The following ALOX5AP variants were observed in gnomAD, a reference collection of about 807,000 sequenced individuals.
ALOX5AP encodes arachidonate 5-lipoxygenase-activating protein.
Under a neutral mutation model 18.5 loss-of-function variants are expected in ALOX5AP, and 9 were observed. The ratio of observed to expected loss-of-function variants is 0.49; its 90% CI spans 0.29 to 0.85. The LOEUF (loss-of-function observed/expected upper bound fraction) is 0.85. ALOX5AP is among the 40% of genes least tolerant of loss of function. The pLI is 0.08. For missense variants in ALOX5AP, 172 were observed against 202.5 expected, an observed-to-expected ratio of 0.85 and a Z score of 0.91; for synonymous variants, 81 against 78.6, an observed-to-expected ratio of 1.03 and a Z score of -0.16.
chr13:30,744,044 C>T lies in ALOX5AP; in HGVS notation c.71-16C>T, dbSNP rs200490573. 1.3e-5 allele frequency: 21 copies of T among 1,609,800 alleles called. No homozygotes were observed. The highest frequency in any genetic ancestry group is 1.4e-5 in the Non-Finnish European group (17 of 1,176,144). ...ATGCCCACAATGAACCAGATGCAAA[C>T]CTTTTCCCTTGGCAGGATTCTTTGC... On this transcript the variant is annotated splice_polypyrimidine_tract_variant and intron_variant, in intron 1 of 4. Coordinates refer to ENST00000380490, the MANE Select transcript of ALOX5AP (RefSeq NM_001629.4).
chr13:30,739,325 C>T (rs376691639), intron 1 of ALOX5AP, among the ~76,000 whole-genome samples: 18 of 152,130 alleles, frequency 1.2e-4, no homozygotes, highest in African/African-American at 3.6e-4. Flanking sequence ...GTAGGCTGAC[C>T]TTTCCTTCAC....
intron 3 of ALOX5AP, among the ~76,000 whole-genome samples, chr13:30,754,708 T>A (rs1951878808): frequency 6.6e-6 from 1 of 152,258 alleles, no homozygotes; most frequent in Non-Finnish European, 1.5e-5. Flanking sequence ...CTGGCCTGAC[T>A]TATTTTCATT....
At chr13:30,762,741 T>C (rs1593447933) in intron 4 of ALOX5AP, among the ~76,000 whole-genome samples, 2 of 152,278 alleles carry the variant, frequency 1.3e-5, no homozygotes, top group South Asian at 4.1e-4. Context: ...CAGTACGAAG[T>C]TAGCTGTTGG....
At chr13:30,727,244 A>G (rs975889758) in intron 1 of ALOX5AP, among the ~76,000 whole-genome samples, 1 of 152,034 alleles carries the variant, frequency 6.6e-6, no homozygotes, top group East Asian at 1.9e-4. Context: ...GTGTTTCTCC[A>G]TGTTGGCCAG....
chr13:30,758,363 T>C (rs1206058680), intron 4 of ALOX5AP, among the ~76,000 whole-genome samples: 1 of 152,224 alleles, frequency 6.6e-6, no homozygotes, highest in Non-Finnish European at 1.5e-5. Context: ...CTAATGCTCT[T>C]GGGACCTGCT....
Position 30,756,020 on chromosome 13 carries a change from G to A in ALOX5AP, c.318G>A (p.Thr106=), listed in dbSNP as rs1233899779. 5 of 1,613,900 alleles carry A rather than the reference G, an allele frequency of 3.1e-6. No individual in the cohort carries two copies. Among genetic ancestry groups the A allele is most frequent in the South Asian group, 1.1e-5 (1 of 91,084 alleles). The change falls in exon 4 of 5, where the codon ACG becomes ACA. Residue 106 remains threonine, a synonymous_variant. Coordinates refer to ENST00000380490, the MANE Select transcript of ALOX5AP (RefSeq NM_001629.4). ...KYFVGYLGER[T]QSTPGYIFGK... The stretch of plus-strand genomic sequence containing the variant: ...TTGTCGGTTACCTAGGAGAGAGAAC[G>A]CAGAGGTAGGTAACTGGGACTACTA...
chr13:30,740,560 A>G (rs1199933776), intron 1 of ALOX5AP, among the ~76,000 whole-genome samples: 1 of 152,204 alleles, frequency 6.6e-6, no homozygotes, highest in African/African-American at 2.4e-5. Context: ...TCTGTAGCAT[A>G]CTGGAGGATT....
At chr13:30,726,938 G>A (rs1430352976) in intron 1 of ALOX5AP, among the ~76,000 whole-genome samples, 1 of 152,124 alleles carries the variant, frequency 6.6e-6, no homozygotes, top group African/African-American at 2.4e-5. Context: ...ATATCAAAAA[G>A]GGAATGCGAC....
chr13:30,744,248 G>T (rs905441920), intron 2 of ALOX5AP, 89 bp downstream of exon 2: 8 of 1,185,164 alleles, frequency 6.8e-6, no homozygotes, highest in Non-Finnish European at 7.4e-6. Context: ...AATACCACAT[G>T]TCTGTCTGAG....
At chr13:30,717,643 C>A (rs145882451) in intron 1 of ALOX5AP, among the ~76,000 whole-genome samples, 2 of 152,272 alleles carry the variant, frequency 1.3e-5, no homozygotes, top group East Asian at 3.9e-4. Flanking sequence ...ATGCATAGGG[C>A]GAGGTGTGGA....
upstream of ALOX5AP, chr13:30,735,486 GCCGGGGAT>G (rs1951713117): frequency 2.6e-6 from 4 of 1,511,186 alleles, no homozygotes; most frequent in Non-Finnish European, 3.6e-6. Flanking sequence ...GTGTAATTGT[GCCGGGGAT>G]CTTCAGAAAT....
At chr13:30,718,324 G>C (rs1951565686) in intron 1 of ALOX5AP, among the ~76,000 whole-genome samples, 1 of 151,008 alleles carries the variant, frequency 6.6e-6, no homozygotes, top group Non-Finnish European at 1.5e-5. Flanking sequence ...CAAGACTGTA[G>C]TAAGGGCTAT....
chr13:30,731,172 C>T (rs1394286369), upstream of ALOX5AP, among the ~76,000 whole-genome samples: 1 of 152,136 alleles, frequency 6.6e-6, no homozygotes, highest in Non-Finnish European at 1.5e-5. Context: ...AATCTCTCTT[C>T]AGGGCTGAGG....
At chr13:30,750,732 T>C (rs1027064197) in intron 2 of ALOX5AP, among the ~76,000 whole-genome samples, 1 of 152,246 alleles carries the variant, frequency 6.6e-6, no homozygotes, top group Non-Finnish European at 1.5e-5. Context: ...TTCAGGCAGC[T>C]AGCCAGTTGG....
chr13:30,750,024 C>T (rs1001257747), intron 2 of ALOX5AP, among the ~76,000 whole-genome samples: 28 of 152,124 alleles, frequency 1.8e-4, no homozygotes, highest in East Asian at 3.8e-4. Flanking sequence ...GGTTCTCAAA[C>T]GTCAGCAGGC....
chr13:30,761,543 A>G (rs963728948), intron 4 of ALOX5AP, among the ~76,000 whole-genome samples: 1 of 152,128 alleles, frequency 6.6e-6, no homozygotes, highest in Non-Finnish European at 1.5e-5. Flanking sequence ...TTTATTTTCA[A>G]TTCCCTTACC....
chr13:30,727,693 G>A (rs774193611), intron 1 of ALOX5AP, among the ~76,000 whole-genome samples: 91 of 152,260 alleles, frequency 6.0e-4, no homozygotes, highest in Admixed American at 2.2e-3. Context: ...AAACTCCTTC[G>A]GTTTCTCTGA....
chr13:30,733,607 T>C (rs928833170), upstream of ALOX5AP, among the ~76,000 whole-genome samples: 2 of 152,198 alleles, frequency 1.3e-5, no homozygotes, highest in Non-Finnish European at 2.9e-5. Flanking sequence ...AATGCCCAGG[T>C]AGCTGGTAAA....
intron 4 of ALOX5AP, among the ~76,000 whole-genome samples, chr13:30,760,386 C>T (rs1228502897): frequency 6.6e-6 from 1 of 152,158 alleles, no homozygotes; most frequent in Non-Finnish European, 1.5e-5. Context: ...ATGAGCCACC[C>T]ACGATGCCTG....
Sources: gnomAD v4.1 joint callset for allele counts (sites outside exome capture counted in the v4.1 genomes callset) on GRCh38, gnomAD v4.1.1 for gene constraint, MANE v1.5 for transcripts, NCBI Gene and HGNC (gene_info 2026-07-23, HGNC 2026-07-21) for gene names.